The following MORC1 variants were observed in gnomAD, a reference collection of about 807,000 sequenced individuals.
The protein encoded by MORC1 is MORC family CW-type zinc finger 1, also known as MORC family CW-type zinc finger protein 1.
A neutral mutation model predicts 134.9 loss-of-function variants in MORC1; 59 were observed. The ratio of observed to expected loss-of-function variants is 0.44; its 90% CI spans 0.35 to 0.54. MORC1 has a LOEUF of 0.54. Ranked by LOEUF, MORC1 falls within the 20% of genes least tolerant of loss-of-function variation. MORC1 has a pLI of 0.00. For synonymous variants in MORC1, 395 were observed against 391.7 expected (o/e 1.01, Z -0.10); for missense variants, 947 against 1,134.5 (o/e 0.83, Z 2.37).
chr3:109,110,971 A>G (rs552853622), intron 2 of MORC1, among the ~76,000 whole-genome samples, 188 bp from the exon 3 acceptor site: 1 of 151,678 alleles, frequency 6.6e-6, no homozygotes, highest in African/African-American at 2.4e-5. Flanking sequence ...AATATGAAAA[A>G]GACTGCAACT....
chr3:109,084,562 T>TA (rs1950582363), intron 8 of MORC1, among the ~76,000 whole-genome samples: 1 of 152,132 alleles, frequency 6.6e-6, no homozygotes, highest in Admixed American at 6.6e-5. Flanking sequence ...TTAATGTTGT[T>TA]AAATATTAAA....
rs754882168 is a variant in MORC1 at position 109,062,072 on chromosome 3, C to G, written c.896-14G>C. The stretch of plus-strand genomic sequence containing the variant: ...ATATGGATTCAGCTGGAAGTAGAAG[C>G]CAAATAGTTATAACACAGCAAAATT... On this transcript the variant is annotated splice_polypyrimidine_tract_variant and intron_variant, in intron 10 of 27. Coordinates refer to ENST00000232603, the MANE Select transcript of MORC1 (RefSeq NM_014429.4). 2.5e-6 allele frequency: 4 copies of G among 1,612,954 alleles called. No homozygotes were observed. Among genetic ancestry groups the G allele is most frequent in the African/African-American group, 1.3e-5 (1 of 74,878 alleles).
chr3:109,043,842 A>C (rs1949617776), intron 14 of MORC1, among the ~76,000 whole-genome samples: 1 of 152,214 alleles, frequency 6.6e-6, no homozygotes, highest in South Asian at 2.1e-4. Flanking sequence ...TGAAAGTGGA[A>C]TAATGTCTCT....
chr3:109,073,382 C>T (rs1252148927), intron 8 of MORC1, among the ~76,000 whole-genome samples: 1 of 140,374 alleles, frequency 7.1e-6, no homozygotes, highest in Admixed American at 7.6e-5. Flanking sequence ...GTTTTTAAAG[C>T]TACCCAGGTG....
chr3:109,114,787 A>C (rs1187990448), intron 1 of MORC1, among the ~76,000 whole-genome samples: 1 of 152,238 alleles, frequency 6.6e-6, no homozygotes, highest in East Asian at 1.9e-4. Context: ...AAATTGTATT[A>C]TTTAAAGACA....
intron 21 of MORC1, among the ~76,000 whole-genome samples, chr3:108,993,075 C>A (rs569876248): frequency 6.6e-6 from 1 of 152,236 alleles, no homozygotes; most frequent in African/African-American, 2.4e-5. Context: ...AACTGACAAA[C>A]CTCATGGAGG....
intron 21 of MORC1, among the ~76,000 whole-genome samples, chr3:108,999,989 T>G (rs1042636760): frequency 6.6e-5 from 10 of 152,158 alleles, no homozygotes; most frequent in African/African-American, 2.4e-4. Flanking sequence ...ACCAAGGGCT[T>G]TTTACACTTG....
intron 24 of MORC1, among the ~76,000 whole-genome samples, chr3:108,972,547 G>T (rs914019401): frequency 6.6e-6 from 1 of 152,126 alleles, no homozygotes; most frequent in African/African-American, 2.4e-5. Flanking sequence ...AGAGTTATTT[G>T]TCTGGCTAGC....
intron 20 of MORC1, among the ~76,000 whole-genome samples, chr3:109,003,874 T>A (rs1002910674): frequency 6.6e-6 from 1 of 152,184 alleles, no homozygotes; most frequent in African/African-American, 2.4e-5. Flanking sequence ...AAGGAAAGGC[T>A]GCCTTAGGAG....
chr3:108,970,768 C>T (rs1360085473), intron 25 of MORC1, among the ~76,000 whole-genome samples: 2 of 152,176 alleles, frequency 1.3e-5, no homozygotes, highest in Non-Finnish European at 1.5e-5. Flanking sequence ...CACAGCCCTG[C>T]GGGAGCCCTT....
chr3:108,960,809 A>T (rs1172714756), intron 27 of MORC1, among the ~76,000 whole-genome samples: 1 of 152,100 alleles, frequency 6.6e-6, no homozygotes, highest in African/African-American at 2.4e-5. Flanking sequence ...TCTTTTTAAA[A>T]ATCTTTAAAA....
intron 13 of MORC1, 103 bp downstream of exon 13, chr3:109,057,240 A>T: frequency 3.3e-6 from 4 of 1,227,630 alleles, no homozygotes; most frequent in Non-Finnish European, 4.5e-6. Context: ...AGACTATGAC[A>T]CTTGCTCCCA....
rs1358315578 is a variant in MORC1, at chr3:109,014,864, G to A, written c.1705-7773C>T. ...GTCTCAACTACATTTTGAGTAGAAAGACATTAATAATTATGTCAAATAAAA... is the reference window on the plus strand; with the variant it reads ...GTCTCAACTACATTTTGAGTAGAAAAACATTAATAATTATGTCAAATAAAA... On this transcript the variant is annotated intron_variant, in intron 17 of 27. Transcript: ENST00000232603. Among the ~76,000 whole-genome samples, 3 of 152,242 alleles carry A rather than the reference G, an allele frequency of 2.0e-5. No individual in the cohort carries two copies. The East Asian group carries it at 5.8e-4, about 29-fold the overall frequency.
Position 109,099,364 on chromosome 3 carries a change from A to G in MORC1, c.417T>C (p.Leu139=). ...GGAAAACTTCAACTCTTACCTCACT[A>G]AGACTTTCTTCTTCACAGAATGTCT... ...FSQTFCEEES[L]SEVVVPMPSW... The change falls in exon 6 of 28, where the codon CTT becomes CTC. Residue 139 remains leucine, a synonymous_variant. Coordinates refer to ENST00000232603, the MANE Select transcript of MORC1 (RefSeq NM_014429.4). 1.2e-6 allele frequency: 2 copies of G among 1,608,096 alleles called. No individual in the cohort carries two copies. Among genetic ancestry groups the G allele is most frequent in the Non-Finnish European group, 1.7e-6 (2 of 1,177,106 alleles).
chr3:109,049,438 C>G (rs1949769658), intron 14 of MORC1, among the ~76,000 whole-genome samples: 1 of 152,178 alleles, frequency 6.6e-6, no homozygotes, highest in South Asian at 2.1e-4. Flanking sequence ...TCTGATTTTC[C>G]TGTCCTATGC....
chr3:109,072,136 T>C (rs1342354108), intron 8 of MORC1, among the ~76,000 whole-genome samples: 4 of 152,194 alleles, frequency 2.6e-5, no homozygotes, highest in South Asian at 2.1e-4. Flanking sequence ...CACGTCATTA[T>C]AAACGTCAAA....
chr3:109,016,452 C>T (rs560120653), intron 17 of MORC1, among the ~76,000 whole-genome samples: 1 of 152,162 alleles, frequency 6.6e-6, no homozygotes, highest in African/African-American at 2.4e-5. Context: ...TGTGAACACC[C>T]TTAACTTCTT....
At chr3:109,094,783 C>T in intron 7 of MORC1, 126 bp downstream of exon 7, 1 of 868,018 alleles carries the variant, frequency 1.2e-6, no homozygotes, top group Non-Finnish European at 1.6e-6. Flanking sequence ...AAATAAATGA[C>T]TGTCCCCAGT....
intron 14 of MORC1, among the ~76,000 whole-genome samples, chr3:109,044,338 C>A (rs1394954777): frequency 6.6e-6 from 1 of 151,440 alleles, no homozygotes; most frequent in Non-Finnish European, 1.5e-5. Flanking sequence ...GCGGGCGGAT[C>A]GCGAGGTCAG....
Sources: gnomAD v4.1 joint callset for allele counts (sites outside exome capture counted in the v4.1 genomes callset) on GRCh38, gnomAD v4.1.1 for gene constraint, MANE v1.5 for transcripts, NCBI Gene and HGNC (gene_info 2026-07-23, HGNC 2026-07-21) for gene names.